CDH18: variants seen among roughly 807,000 people sequenced by gnomAD.
CDH18 encodes cadherin-18.
CDH18 carries 31 observed loss-of-function variants against 67.9 expected under a neutral mutation model. The observed-to-expected ratio is 0.46, with a 90% CI of 0.34 to 0.62. CDH18 has a LOEUF of 0.62. Among genes scored for constraint, CDH18 ranks in the 20% least tolerant of loss-of-function variants. The pLI is 0.01. For missense variants in CDH18, 890 were observed against 975.5 expected (o/e 0.91, Z 1.17); for synonymous variants, 362 against 347.2 (o/e 1.04, Z -0.48).
intron 2 of CDH18, among the ~76,000 whole-genome samples, chr5:20,066,962 T>C (rs1053334598): frequency 1.3e-5 from 2 of 151,786 alleles, no homozygotes; most frequent in African/African-American, 2.4e-5. Context: ...TCCATATCCA[T>C]GGATTCCTCA....
intron 9 of CDH18, among the ~76,000 whole-genome samples, chr5:19,538,097 ATATGCAT>A (rs1349203296): frequency 1.3e-5 from 2 of 152,202 alleles, no homozygotes; most frequent in Non-Finnish European, 2.9e-5. Flanking sequence ...AATATGCATA[ATATGCAT>A]TATACCAGGG....
chr5:20,351,745 A>G (rs1448751158), intron 1 of CDH18, among the ~76,000 whole-genome samples: 3 of 152,138 alleles, frequency 2.0e-5, no homozygotes, highest in African/African-American at 7.2e-5. Flanking sequence ...TTATGCTGCC[A>G]CCGGTTGGCT....
chr5:19,810,884 A>G (rs572222678), intron 3 of CDH18, among the ~76,000 whole-genome samples: 38 of 151,846 alleles, frequency 2.5e-4, no homozygotes, highest in Non-Finnish European at 4.4e-4. Flanking sequence ...TTAGCCAGGT[A>G]TGGTGGCACA....
chr5:20,051,150 A>T (rs1021249577), intron 2 of CDH18, among the ~76,000 whole-genome samples: 1 of 151,986 alleles, frequency 6.6e-6, no homozygotes, highest in Non-Finnish European at 1.5e-5. Context: ...CTTTTCTCAT[A>T]CAATAATAAA....
chr5:19,734,236 T>C (rs1383484809), intron 4 of CDH18, among the ~76,000 whole-genome samples: 1 of 152,226 alleles, frequency 6.6e-6, no homozygotes, highest in South Asian at 2.1e-4. Flanking sequence ...AAAACTGAGT[T>C]GATGTTTTCC....
intron 2 of CDH18, among the ~76,000 whole-genome samples, chr5:19,954,501 T>G (rs775145701): frequency 1.3e-5 from 2 of 151,956 alleles, no homozygotes; most frequent in Non-Finnish European, 2.9e-5. Flanking sequence ...ATTTGGAAAA[T>G]AGCCCAATGA....
At chr5:20,463,238 T>TTTTTTTTTTTTTTTTTTTTTTTTTTTTGA (rs1554003938) in intron 1 of CDH18, among the ~76,000 whole-genome samples, 1 of 151,896 alleles carries the variant, frequency 6.6e-6, no homozygotes. Flanking sequence ...TGTGTGCTTT[T>TTTTTTTTTTTTTTTTTTTTTTTTTTTTGA]GTGATGCAAT....
chr5:20,185,399 T>C (rs964090340), intron 2 of CDH18, among the ~76,000 whole-genome samples: 3 of 152,038 alleles, frequency 2.0e-5, no homozygotes, highest in Non-Finnish European at 2.9e-5. Context: ...CAACTTATAT[T>C]ATGCCACTCT....
chr5:20,108,671 C>A (rs1374205593), intron 2 of CDH18, among the ~76,000 whole-genome samples: 1 of 152,134 alleles, frequency 6.6e-6, no homozygotes, highest in Non-Finnish European at 1.5e-5. Flanking sequence ...AACAGTACTT[C>A]CCAGGGACAT....
At position 19,854,943 on chromosome 5, in the gene CDH18, TG is replaced by T. The variant is rs79076506; in HGVS notation, c.-256-15702del. Among the ~76,000 whole-genome samples, 87 of 150,418 alleles carry T rather than the reference TG, an allele frequency of 5.8e-4. 1 individual carries two copies. Among genetic ancestry groups the T allele is most frequent in the South Asian group, 2.1e-3 (10 of 4,724 alleles). Reference sequence around the variant, plus strand: ...CTCCCTATCTCCATGAGTTCAGTTTTGTTTTTTTTTTTCTAGTTCCCTAAAT... The same window carrying T: ...CTCCCTATCTCCATGAGTTCAGTTTTTTTTTTTTTTTCTAGTTCCCTAAAT... On this transcript the variant is annotated intron_variant, in intron 2 of 12. Coordinates refer to ENST00000382275, the MANE Select transcript of CDH18 (RefSeq NM_004934.5).
intron 1 of CDH18, chr5:20,304,110 G>A (rs1371113175): frequency 4.4e-6 from 7 of 1,609,188 alleles, no homozygotes; most frequent in Middle Eastern, 1.8e-4. Flanking sequence ...GTGTTTACCC[G>A]AATCAACATG....
At chr5:19,521,122 A>G (rs569334531) in intron 9 of CDH18, among the ~76,000 whole-genome samples, 25 of 152,288 alleles carry the variant, frequency 1.6e-4, no homozygotes, top group Admixed American at 7.2e-4. Context: ...TCTAAGAAAA[A>G]CACAGCAGTT....
chr5:20,283,119 T>C (rs909706959), intron 1 of CDH18, among the ~76,000 whole-genome samples: 1 of 151,742 alleles, frequency 6.6e-6, no homozygotes, highest in Non-Finnish European at 1.5e-5. Flanking sequence ...ATAAATTAAA[T>C]ACTTACACTA....
At chr5:20,321,190 G>C (rs1051787622) in intron 1 of CDH18, among the ~76,000 whole-genome samples, 15 of 151,944 alleles carry the variant, frequency 9.9e-5, no homozygotes, top group African/African-American at 3.1e-4. Context: ...ATTTTCTCTA[G>C]AGCCTTCTCC....
rs550796941 is a variant in CDH18 at position 20,268,371 on chromosome 5, AT to A, written c.-579-12867del. 1.5e-3 allele frequency among the ~76,000 whole-genome samples: 230 copies of A among 152,278 alleles called. 2 individuals are homozygous for A. In the Middle Eastern group the frequency reaches 0.024, roughly 16 times the overall value. ...AGGGATAATTTATGCTTATTTTCCA[AT>A]TTAAATGTCATTTATTTCTTTCTCT... On this transcript the variant is annotated intron_variant, in intron 1 of 14. Coordinates refer to the CDH18 transcript ENST00000507958.
chr5:19,926,771 G>A (rs1414431921), intron 2 of CDH18, among the ~76,000 whole-genome samples: 4 of 151,590 alleles, frequency 2.6e-5, no homozygotes, highest in Non-Finnish European at 4.4e-5. Context: ...TTCCAATTTT[G>A]TTTTTTTCTG....
chr5:20,486,193 G>A (rs1753163985), intron 1 of CDH18, among the ~76,000 whole-genome samples: 1 of 152,066 alleles, frequency 6.6e-6, no homozygotes, highest in African/African-American at 2.4e-5. Flanking sequence ...AGACTAGCAA[G>A]GACTTCAAAA....
intron 2 of CDH18, among the ~76,000 whole-genome samples, chr5:19,999,025 T>C (rs1342877082): frequency 6.6e-6 from 1 of 152,190 alleles, no homozygotes; most frequent in Non-Finnish European, 1.5e-5. Context: ...GTTAAATTAT[T>C]ATTATCATTG....
At chr5:20,516,030 G>T (rs1168998536) in intron 1 of CDH18, among the ~76,000 whole-genome samples, 6 of 151,868 alleles carry the variant, frequency 4.0e-5, no homozygotes, top group Non-Finnish European at 7.4e-5. Context: ...AATGTAATGG[G>T]CTCAATAGAA....
Sources: gnomAD v4.1 joint callset for allele counts (sites outside exome capture counted in the v4.1 genomes callset) on GRCh38, gnomAD v4.1.1 for gene constraint, MANE v1.5 for transcripts, NCBI Gene and HGNC (gene_info 2026-07-23, HGNC 2026-07-21) for gene names.